Variants in RIT2 observed in about 807,000 individuals in gnomAD.
The protein encoded by RIT2 is GTP-binding protein Rit2.
A neutral mutation model predicts 23.7 loss-of-function variants in RIT2; 24 were observed. The ratio of observed to expected loss-of-function variants is 1.01; its 90% CI spans 0.73 to 1.43. RIT2 has a LOEUF of 1.43. Ranked by LOEUF, RIT2 falls within the 40% of genes most tolerant of loss-of-function variation. The pLI, the probability that RIT2 is intolerant of heterozygous loss-of-function variation, is 0.00. For synonymous variants in RIT2, 107 were observed against 91.1 expected, an observed-to-expected ratio of 1.17 and a Z score of -0.99; for missense variants, 236 against 266.9, an observed-to-expected ratio of 0.88 and a Z score of 0.81.
chr18:42,819,402 C>T (rs887447399), intron 4 of RIT2, among the ~76,000 whole-genome samples: 1 of 151,960 alleles, frequency 6.6e-6, no homozygotes, highest in Non-Finnish European at 1.5e-5. Context: ...ATAAACTGTT[C>T]ATTTCCAAAG....
At chr18:42,973,889 T>C (rs1910419303) in intron 3 of RIT2, among the ~76,000 whole-genome samples, 185 bp downstream of exon 3, 1 of 151,148 alleles carries the variant, frequency 6.6e-6, no homozygotes. Flanking sequence ...TTTTAGAAAA[T>C]TGAGGGAATT....
chr18:43,057,772 G>A (rs1912540805), intron 1 of RIT2, among the ~76,000 whole-genome samples: 1 of 145,604 alleles, frequency 6.9e-6, no homozygotes, highest in South Asian at 2.2e-4. Flanking sequence ...CTCTAGCAAT[G>A]GAGCTAATCT....
At chr18:42,885,586 A>C (rs1908000903) in intron 4 of RIT2, among the ~76,000 whole-genome samples, 1 of 151,370 alleles carries the variant, frequency 6.6e-6, no homozygotes, top group African/African-American at 2.4e-5. Context: ...ACTCTGTCTC[A>C]AAAAAAAATA....
In RIT2 at chr18:42,812,532, C is replaced by T. The variant is rs190020118; in HGVS notation, c.427-68812G>A. 5.3e-5 allele frequency among the ~76,000 whole-genome samples: 8 copies of T among 152,278 alleles called. No individual in the cohort carries two copies. In the East Asian group the frequency reaches 1.2e-3, roughly 22 times the overall value. The stretch of plus-strand genomic sequence containing the variant: ...CCATTTCTTTACTGTACCTCTCTTA[C>T]ATGGTAATATAGTAAAGTGATTGAT... On this transcript the variant is annotated intron_variant, in intron 4 of 4. Coordinates refer to ENST00000326695, the MANE Select transcript of RIT2 (RefSeq NM_002930.4).
intron 3 of RIT2, among the ~76,000 whole-genome samples, chr18:42,952,932 T>A (rs1909886765): frequency 6.6e-6 from 1 of 151,560 alleles, no homozygotes; most frequent in African/African-American, 2.4e-5. Flanking sequence ...TTTACAGTTT[T>A]ATACTCCTGA....
intron 1 of RIT2, among the ~76,000 whole-genome samples, chr18:43,100,998 C>T (rs899780305): frequency 2.0e-5 from 3 of 151,644 alleles, no homozygotes; most frequent in Non-Finnish European, 4.4e-5. Context: ...TGTTTGTATT[C>T]ACACATAAAT....
intron 4 of RIT2, among the ~76,000 whole-genome samples, chr18:42,810,121 T>A (rs1905809684): frequency 6.9e-6 from 1 of 145,860 alleles, no homozygotes. Flanking sequence ...CTATTATGTA[T>A]CAATTAAAAA....
In RIT2 at chr18:43,041,489, A is replaced by G. The variant is rs146647772; in HGVS notation, c.104-7622T>C. Among the ~76,000 whole-genome samples the G allele has an allele frequency of 3.0e-3, 451 of 152,228 alleles. 3 individuals are homozygous for G. Among genetic ancestry groups the G allele is most frequent in the African/African-American group, 0.01 (422 of 41,560 alleles). ...ATATCAAAGACCCTTTTTCTTTATT[A>G]GTGGCTATATCATTAACATATGTTA... On this transcript the variant is annotated intron_variant, in intron 1 of 4. Coordinates refer to ENST00000326695, the MANE Select transcript of RIT2 (RefSeq NM_002930.4).
intron 3 of RIT2, among the ~76,000 whole-genome samples, chr18:42,949,911 A>C (rs1909810707): frequency 6.6e-6 from 1 of 152,140 alleles, no homozygotes; most frequent in South Asian, 2.1e-4. Flanking sequence ...GAAAGAAAGA[A>C]TAAATATCTG....
chr18:43,011,734 G>T (rs183157918), intron 2 of RIT2, among the ~76,000 whole-genome samples: 1 of 151,782 alleles, frequency 6.6e-6, no homozygotes, highest in East Asian at 2.0e-4. Context: ...TTATTTCAGG[G>T]TCAGTTTCAG....
At chr18:43,083,274 G>A (rs918404386) in intron 1 of RIT2, among the ~76,000 whole-genome samples, 8 of 152,078 alleles carry the variant, frequency 5.3e-5, no homozygotes, top group Non-Finnish European at 1.0e-4. Context: ...TGGATAGGAA[G>A]AATTAATATC....
At chr18:42,879,080 T>C (rs577802786) in intron 4 of RIT2, among the ~76,000 whole-genome samples, 3 of 152,266 alleles carry the variant, frequency 2.0e-5, no homozygotes, top group African/African-American at 7.2e-5. Flanking sequence ...ATACATCAGG[T>C]ATTTTACCAA....
chr18:43,093,594 T>A (rs533362925), intron 1 of RIT2, among the ~76,000 whole-genome samples: 1 of 152,144 alleles, frequency 6.6e-6, no homozygotes, highest in Admixed American at 6.6e-5. Context: ...AGAATGAATA[T>A]CCTGGAGGTG....
At chr18:42,845,972 A>C (rs1906900431) in intron 4 of RIT2, among the ~76,000 whole-genome samples, 1 of 152,016 alleles carries the variant, frequency 6.6e-6, no homozygotes, top group Non-Finnish European at 1.5e-5. Context: ...GCTACTTATC[A>C]ATGTTAAGAA....
intron 4 of RIT2, among the ~76,000 whole-genome samples, chr18:42,819,816 T>G (rs1000774056): frequency 1.3e-5 from 2 of 152,072 alleles, no homozygotes; most frequent in Admixed American, 6.6e-5. Context: ...AATGGATGTT[T>G]TCTATGTGAT....
At chr18:43,103,762 G>C (rs1224404962) in intron 1 of RIT2, among the ~76,000 whole-genome samples, 1 of 152,148 alleles carries the variant, frequency 6.6e-6, no homozygotes, top group Admixed American at 6.5e-5. Context: ...ACATGTCTGG[G>C]TCTATTTCAA....
At chr18:42,814,837 C>T (rs1468701541) in intron 4 of RIT2, among the ~76,000 whole-genome samples, 2 of 152,160 alleles carry the variant, frequency 1.3e-5, no homozygotes, top group African/African-American at 4.8e-5. Context: ...CCGCCACCTC[C>T]ACTGGATCAG....
In RIT2 at chr18:42,923,746, C is replaced by T. The variant is rs746721549; in HGVS notation, c.252G>A (p.Met84Ile). 3.7e-6 allele frequency: 6 copies of T among 1,600,514 alleles called. No individual in the cohort carries two copies. The highest frequency in any genetic ancestry group is 2.2e-5 in the South Asian group (2 of 89,032). ...CCCCACCTCGCATGTACTGCTCCCGCATGGCTGTGAATTCTGCCTGCAGGA... is the reference window on the plus strand; with the variant it reads ...CCCCACCTCGCATGTACTGCTCCCGTATGGCTGTGAATTCTGCCTGCAGGA... ...DTAGQAEFTA[M>I]REQYMRGGEG... Residue 84 changes from methionine (M) to isoleucine (I), a missense_variant, in exon 4 of 5, where the codon ATG becomes ATA. Physicochemically the swap from Met to Ile is conservative, Grantham distance 10. Transcript: ENST00000326695.
At chr18:43,114,258 T>C (rs1914017182) in intron 1 of RIT2, among the ~76,000 whole-genome samples, 1 of 152,144 alleles carries the variant, frequency 6.6e-6, no homozygotes, top group African/African-American at 2.4e-5. Context: ...GAATTCTCTT[T>C]TGTAGGGTGA....
Sources: allele counts gnomAD v4.1 joint callset (sites outside exome capture counted in the v4.1 genomes callset), GRCh38; gene constraint gnomAD v4.1.1; transcripts MANE v1.5; gene names NCBI Gene and HGNC (gene_info 2026-07-23, HGNC 2026-07-21).